Variants in PCDHA9 observed in about 807,000 individuals in gnomAD.
PCDHA9 encodes the protein protocadherin alpha 9.
PCDHA9 carries 62 observed loss-of-function variants against 62.0 expected under a neutral mutation model. That is an observed-to-expected ratio of 1.00 (90% confidence interval 0.81 to 1.23). PCDHA9 has a LOEUF of 1.23. PCDHA9 is among the 50% of genes most tolerant of loss of function. PCDHA9 has a pLI of 0.00. For missense variants in PCDHA9, 1,205 were observed against 1,249.8 expected, an observed-to-expected ratio of 0.96 and a Z score of 0.54; for synonymous variants, 557 against 567.6, an observed-to-expected ratio of 0.98 and a Z score of 0.27.
At chr5:140,886,501 T>C (rs1171128056) in intron 1 of PCDHA9, among the ~76,000 whole-genome samples, 1 of 152,108 alleles carries the variant, frequency 6.6e-6, no homozygotes, top group Non-Finnish European at 1.5e-5. Flanking sequence ...TCTTTTTCCT[T>C]TTATGGATTT....
At chr5:140,933,073 T>C (rs1198976304) in intron 1 of PCDHA9, among the ~76,000 whole-genome samples, 1 of 152,026 alleles carries the variant, frequency 6.6e-6, no homozygotes, top group Non-Finnish European at 1.5e-5. Context: ...TAAAGTATTA[T>C]GGGAAGTAAG....
At chr5:140,898,664 G>C (rs1360946717) in intron 1 of PCDHA9, among the ~76,000 whole-genome samples, 1 of 152,190 alleles carries the variant, frequency 6.6e-6, no homozygotes, top group Non-Finnish European at 1.5e-5. Flanking sequence ...GATTGACTTG[G>C]TGTTGCGGGC....
At chr5:140,978,672 G>C (rs2096816199) in intron 1 of PCDHA9, among the ~76,000 whole-genome samples, 1 of 152,256 alleles carries the variant, frequency 6.6e-6, no homozygotes, top group African/African-American at 2.4e-5. Context: ...TAAGAACACA[G>C]ACATGTATTG....
rs374028253 is a variant in PCDHA9, at chr5:140,876,864, G to C, written c.2394+25975G>C. ...CGCAGCCCGAGTACACAGTGTTCGT[G>C]AAGGAGAACAACCCGCCGGGCTGCC... is the stretch of plus-strand genomic sequence containing the variant. On this transcript the variant is annotated intron_variant, in intron 1 of 3. Transcript: ENST00000532602. The C allele has an allele frequency of 5.1e-5, 82 of 1,614,026 alleles. No individual in the cohort carries two copies. The African/African-American group carries it at 1.0e-3, about 20-fold the overall frequency.
At chr5:140,929,353 C>T in intron 1 of PCDHA9, 1 of 1,527,090 alleles carries the variant, frequency 6.5e-7, no homozygotes, top group Non-Finnish European at 8.8e-7. Context: ...AATTTGATTC[C>T]TTTGGCCCGG....
chr5:140,980,657 A>G (rs553240428), intron 2 of PCDHA9, among the ~76,000 whole-genome samples: 2 of 151,966 alleles, frequency 1.3e-5, no homozygotes, highest in Non-Finnish European at 2.9e-5. Context: ...ATAAAATAAC[A>G]TAACTTCCTT....
At chr5:140,852,799 C>A in intron 1 of PCDHA9, 3 of 976,698 alleles carry the variant, frequency 3.1e-6, no homozygotes, top group Non-Finnish European at 3.7e-6. Context: ...CTACAGATGT[C>A]ATTTGTCTCC....
intron 1 of PCDHA9, chr5:140,851,152 C>G (rs1379835863): frequency 1.5e-6 from 2 of 1,304,948 alleles, no homozygotes; most frequent in African/African-American, 3.1e-5. Flanking sequence ...CATTGAATTT[C>G]TGATGCTATG....
intron 1 of PCDHA9, among the ~76,000 whole-genome samples, chr5:140,960,605 A>G (rs1405858302): frequency 6.6e-6 from 1 of 152,184 alleles, no homozygotes; most frequent in Non-Finnish European, 1.5e-5. Flanking sequence ...TACTTCAACA[A>G]TATCTAGTGT....
At chr5:140,932,287 T>C (rs1259585245) in intron 1 of PCDHA9, among the ~76,000 whole-genome samples, 2 of 151,896 alleles carry the variant, frequency 1.3e-5, no homozygotes, top group Admixed American at 6.6e-5. Context: ...AAAAACTGCA[T>C]TGACAATTTT....
chr5:140,871,098 G>T (rs2052704304), intron 1 of PCDHA9: 4 of 1,613,192 alleles, frequency 2.5e-6, no homozygotes, highest in Non-Finnish European at 3.4e-6. Context: ...CCACCGTGCT[G>T]GTGTCGTTGG....
Position 141,009,778 on chromosome 5 carries a change from C to T in PCDHA9, c.2694C>T (p.Ser898=). Residue 898 remains serine, a synonymous_variant, in exon 4 of 4, where the codon TCC becomes TCT. Transcript: ENST00000532602. ...FIIPGSPAII[S]IRQEPTNSQI... ...TCCCAGGATCTCCTGCAATCATCTCCATCCGGCAGGAGCCTACTAACAGCC... is the reference window on the plus strand; with the variant it reads ...TCCCAGGATCTCCTGCAATCATCTCTATCCGGCAGGAGCCTACTAACAGCC... 1.2e-6 allele frequency: 2 copies of T among 1,614,122 alleles called. No homozygotes were observed.
At chr5:140,926,972 C>A (rs782504064) in intron 1 of PCDHA9, 2 of 1,609,464 alleles carry the variant, frequency 1.2e-6, no homozygotes. Flanking sequence ...TACTCAGTGC[C>A]GGAGGAGACG....
At chr5:140,890,245 A>G (rs2062563165) in intron 1 of PCDHA9, among the ~76,000 whole-genome samples, 1 of 152,146 alleles carries the variant, frequency 6.6e-6, no homozygotes, top group Admixed American at 6.5e-5. Context: ...TTACCAGTAC[A>G]CTACTGCACC....
At position 140,857,274 on chromosome 5, in the gene PCDHA9, AC is replaced by A. The variant is rs782434085; in HGVS notation, c.2394+6386del. 196 of 1,598,554 alleles carry A rather than the reference AC, an allele frequency of 1.2e-4. 15 individuals are homozygous for A. The highest frequency in any genetic ancestry group is 3.4e-5 in the Admixed American group (2 of 59,316). On this transcript the variant is annotated intron_variant, in intron 1 of 3. Transcript: ENST00000532602. ...AAGAATTACTACTCATTGGTGCTGG[AC>A]AGCGCTCTGGACCGCGAGAGGGTGT...
intron 1 of PCDHA9, chr5:140,927,763 G>C (rs1554205034): frequency 6.2e-7 from 1 of 1,614,198 alleles, no homozygotes; most frequent in African/African-American, 1.3e-5. Context: ...CCCTAAAAGT[G>C]GGGAGGTGCA....
intron 1 of PCDHA9, among the ~76,000 whole-genome samples, chr5:140,955,006 C>G (rs1304080416): frequency 6.6e-6 from 1 of 152,154 alleles, no homozygotes; most frequent in African/African-American, 2.4e-5. Flanking sequence ...AGCCAATTCT[C>G]CCAGCACCAT....
At chr5:141,007,325 C>G (rs1303133451) in intron 3 of PCDHA9, among the ~76,000 whole-genome samples, 2 of 145,322 alleles carry the variant, frequency 1.4e-5, no homozygotes, top group Non-Finnish European at 3.0e-5. Flanking sequence ...CTAAAGTGGA[C>G]AGATTGCCTG....
rs574140858 is a variant in PCDHA9 at position 140,929,782 on chromosome 5, A to C, written c.2395-49167A>C. On this transcript the variant is annotated intron_variant, in intron 1 of 3. Coordinates refer to ENST00000532602, the MANE Select transcript of PCDHA9 (RefSeq NM_031857.2). The stretch of plus-strand genomic sequence containing the variant: ...GACGATAACCACAAAAGATGTAAAA[A>C]TAAATTACAATGGGGGTTAAAAGAA... The C allele has an allele frequency of 1.8e-5, 3 of 168,346 alleles. No individual in the cohort carries two copies. The Admixed American group carries it at 1.9e-4, about 11-fold the overall frequency. 10.4% of individuals were successfully genotyped at this position (168,346 alleles called of 1,614,324 possible). A position where few individuals can be genotyped will look rare whatever the true frequency, so the allele number is the denominator to read the frequency against.
Sources: gnomAD v4.1 joint callset for allele counts (sites outside exome capture counted in the v4.1 genomes callset) on GRCh38, gnomAD v4.1.1 for gene constraint, MANE v1.5 for transcripts, NCBI Gene and HGNC (gene_info 2026-07-23, HGNC 2026-07-21) for gene names.